HAPLN1: variants seen among roughly 807,000 people sequenced by gnomAD.
The protein encoded by HAPLN1 is hyaluronan and proteoglycan link protein 1.
A neutral mutation model predicts 36.5 loss-of-function variants in HAPLN1; 13 were observed. The ratio of observed to expected loss-of-function variants is 0.36; its 90% CI spans 0.23 to 0.57. The LOEUF (loss-of-function observed/expected upper bound fraction) is 0.57. HAPLN1 is among the 20% of genes least tolerant of loss of function. The pLI, the probability that HAPLN1 is intolerant of heterozygous loss-of-function variation, is 0.83. For missense variants in HAPLN1, 407 were observed against 439.7 expected, an observed-to-expected ratio of 0.93 and a Z score of 0.66; for synonymous variants, 202 against 169.8, an observed-to-expected ratio of 1.19 and a Z score of -1.48.
chr5:83,706,159 C>T (rs1351068739), intron 1 of HAPLN1, among the ~76,000 whole-genome samples: 1 of 150,488 alleles, frequency 6.6e-6, no homozygotes, highest in Non-Finnish European at 1.5e-5. Context: ...GAAATTCCAC[C>T]AGTTGTACAA....
chr5:83,711,822 T>G (rs911929891), intron 1 of HAPLN1, among the ~76,000 whole-genome samples: 1 of 152,100 alleles, frequency 6.6e-6, no homozygotes, highest in African/African-American at 2.4e-5. Context: ...GAACTAGGCT[T>G]GGTCAAAGGA....
At chr5:83,646,669 G>T (rs1475995600) in intron 3 of HAPLN1, among the ~76,000 whole-genome samples, 1 of 152,200 alleles carries the variant, frequency 6.6e-6, no homozygotes, top group African/African-American at 2.4e-5. Flanking sequence ...AGGAGTAAAA[G>T]CCTCTCTTGG....
At chr5:83,720,720 A>G (rs1464018753) in intron 1 of HAPLN1, 69 bp downstream of exon 1, 2 of 152,226 alleles carry the variant, frequency 1.3e-5, no homozygotes, top group Non-Finnish European at 2.9e-5. Flanking sequence ...TTGCATGTGT[A>G]TTGCCCTCTG....
At chr5:83,643,971 G>T (rs531228408) in intron 4 of HAPLN1, among the ~76,000 whole-genome samples, 2 of 152,308 alleles carry the variant, frequency 1.3e-5, no homozygotes, top group East Asian at 3.9e-4. Flanking sequence ...GTGTATATGT[G>T]ATTGTGATTG....
At chr5:83,678,053 A>G (rs1000118097) in intron 1 of HAPLN1, among the ~76,000 whole-genome samples, 4 of 152,142 alleles carry the variant, frequency 2.6e-5, no homozygotes, top group South Asian at 2.1e-4. Context: ...ATCCTGATGC[A>G]TGCTCAAATT....
intron 3 of HAPLN1, among the ~76,000 whole-genome samples, chr5:83,650,565 T>C (rs2112563720): frequency 6.6e-6 from 1 of 152,122 alleles, no homozygotes; most frequent in African/African-American, 2.4e-5. Context: ...TGGCAGGGAA[T>C]GTTCCCTAAG....
At chr5:83,687,470 G>T (rs1332702838) in intron 1 of HAPLN1, among the ~76,000 whole-genome samples, 1 of 152,134 alleles carries the variant, frequency 6.6e-6, no homozygotes, top group Non-Finnish European at 1.5e-5. Context: ...AATGTTTTAG[G>T]AGCAAGTACA....
intron 2 of HAPLN1, among the ~76,000 whole-genome samples, chr5:83,653,546 C>T (rs1413243280): frequency 6.6e-6 from 1 of 152,188 alleles, no homozygotes; most frequent in Non-Finnish European, 1.5e-5. Context: ...CAAAGTTATA[C>T]TTCTTTTCTG....
At chr5:83,691,553 C>A (rs1044853518) in intron 1 of HAPLN1, among the ~76,000 whole-genome samples, 1 of 151,956 alleles carries the variant, frequency 6.6e-6, no homozygotes, top group African/African-American at 2.4e-5. Context: ...GCTCTAGGAC[C>A]ACCTAACAAA....
chr5:83,656,661 C>T (rs1397252687), intron 2 of HAPLN1, among the ~76,000 whole-genome samples: 1 of 151,960 alleles, frequency 6.6e-6, no homozygotes, highest in African/African-American at 2.4e-5. Flanking sequence ...AAATAAATTC[C>T]CCATTTCCAT....
intron 1 of HAPLN1, among the ~76,000 whole-genome samples, chr5:83,708,032 G>A (rs1377982874): frequency 6.6e-6 from 1 of 152,212 alleles, no homozygotes; most frequent in East Asian, 1.9e-4. Flanking sequence ...CACACAGTCA[G>A]AATGGCTATA....
intron 2 of HAPLN1, 104 bp downstream of exon 2, chr5:83,673,320 A>C: frequency 1.3e-6 from 1 of 750,414 alleles, no homozygotes; most frequent in Non-Finnish European, 2.2e-6. Context: ...GGAAAGAAAA[A>C]GTCAATGCAG....
intron 2 of HAPLN1, among the ~76,000 whole-genome samples, chr5:83,661,470 A>C (rs1580131007): frequency 1.0e-5 from 1 of 95,370 alleles, no homozygotes; most frequent in African/African-American, 4.5e-5. Flanking sequence ...TTTGAGACGG[A>C]GTCCTGCTCT....
intron 1 of HAPLN1, among the ~76,000 whole-genome samples, chr5:83,712,150 T>A (rs894836099): frequency 6.6e-6 from 1 of 152,206 alleles, no homozygotes; most frequent in African/African-American, 2.4e-5. Context: ...ATGGTCAAGC[T>A]GGACTTTTAC....
chr5:83,658,569 C>T (rs764454424), intron 2 of HAPLN1, among the ~76,000 whole-genome samples: 24 of 152,180 alleles, frequency 1.6e-4, no homozygotes, highest in Non-Finnish European at 2.8e-4. Flanking sequence ...TTACACATTA[C>T]ATTTGAGTAG....
chr5:83,656,742 C>T (rs1750229044), intron 2 of HAPLN1, among the ~76,000 whole-genome samples: 1 of 152,114 alleles, frequency 6.6e-6, no homozygotes, highest in South Asian at 2.1e-4. Flanking sequence ...ACTGCAGGGC[C>T]TGGTGAGAAC....
chr5:83,684,296 G>T (rs185961914), intron 1 of HAPLN1, among the ~76,000 whole-genome samples: 1 of 152,176 alleles, frequency 6.6e-6, no homozygotes, highest in East Asian at 1.9e-4. Flanking sequence ...CCTTACACCA[G>T]GCAAGTAGAA....
At chr5:83,716,178 G>GC (rs1397343100) in intron 1 of HAPLN1, among the ~76,000 whole-genome samples, 1 of 152,148 alleles carries the variant, frequency 6.6e-6, no homozygotes, top group Non-Finnish European at 1.5e-5. Flanking sequence ...TTTGTGAAAG[G>GC]CTTAGGGAAA....
At chr5:83,656,145 T>C (rs988943536) in intron 2 of HAPLN1, among the ~76,000 whole-genome samples, 2 of 151,912 alleles carry the variant, frequency 1.3e-5, no homozygotes, top group South Asian at 2.1e-4. Flanking sequence ...CTGGTCAACA[T>C]GGTGAAACCC....
Sources: gnomAD v4.1 joint callset for allele counts (sites outside exome capture counted in the v4.1 genomes callset) on GRCh38, gnomAD v4.1.1 for gene constraint, MANE v1.5 for transcripts, NCBI Gene and HGNC (gene_info 2026-07-23, HGNC 2026-07-21) for gene names.